Variants in HAT1 observed in about 807,000 individuals in gnomAD.
HAT1 encodes histone acetyltransferase 1.
HAT1 carries 20 observed loss-of-function variants against 56.6 expected under a neutral mutation model. The ratio of observed to expected loss-of-function variants is 0.35; its 90% CI spans 0.25 to 0.51. The LOEUF (loss-of-function observed/expected upper bound fraction) is 0.51. Ranked by LOEUF, HAT1 falls within the 20% of genes least tolerant of loss-of-function variation. The probability of loss-of-function intolerance (pLI) is 0.95; values close to 1 mark genes in which losing one functional copy is unlikely to be tolerated. For missense variants in HAT1, 408 were observed against 504.3 expected (o/e 0.81, Z 1.83); for synonymous variants, 146 against 165.5 (o/e 0.88, Z 0.91).
chr2:171,977,480 A>G, intron 9 of HAT1, among the ~76,000 whole-genome samples: 1 of 141,716 alleles, frequency 7.1e-6, no homozygotes, highest in Non-Finnish European at 1.5e-5. Context: ...AAAAAAGAAA[A>G]GAAATTTGTT....
chr2:171,973,729 A>C (rs926911042), intron 8 of HAT1, among the ~76,000 whole-genome samples: 4 of 152,176 alleles, frequency 2.6e-5, no homozygotes, highest in African/African-American at 9.7e-5. Context: ...ACGCCTGATG[A>C]CTGATCTGAG....
intron 2 of HAT1, among the ~76,000 whole-genome samples, chr2:171,931,412 G>A (rs753872363): frequency 9.9e-5 from 15 of 151,686 alleles, no homozygotes; most frequent in Admixed American, 2.0e-4. Context: ...CCATATAGCC[G>A]GGCATGGTGG....
intron 3 of HAT1, among the ~76,000 whole-genome samples, chr2:171,948,050 T>A (rs1376733557): frequency 6.6e-6 from 1 of 152,210 alleles, no homozygotes; most frequent in Non-Finnish European, 1.5e-5. Context: ...CTCTGTATAT[T>A]TTTTTACCTG....
chr2:171,944,882 T>C (rs967480322), intron 2 of HAT1, among the ~76,000 whole-genome samples: 1 of 152,200 alleles, frequency 6.6e-6, no homozygotes, highest in Non-Finnish European at 1.5e-5. Context: ...ATCTTCTTTT[T>C]TCCCCCTGAG....
At chr2:171,942,446 G>A (rs756473174) in intron 2 of HAT1, among the ~76,000 whole-genome samples, 42 of 151,718 alleles carry the variant, frequency 2.8e-4, no homozygotes, top group Middle Eastern at 3.4e-3. Flanking sequence ...TTATAAAATC[G>A]AGGTTACCGT....
intron 3 of HAT1, 127 bp from the exon 4 acceptor site, chr2:171,952,754 A>ATT: frequency 2.0e-6 from 1 of 495,490 alleles, no homozygotes. Flanking sequence ...TTTATTGTAG[A>ATT]TTTTTTTTTT....
At chr2:171,939,527 G>T (rs1297818870) in intron 2 of HAT1, among the ~76,000 whole-genome samples, 1 of 152,190 alleles carries the variant, frequency 6.6e-6, no homozygotes, top group East Asian at 1.9e-4. Flanking sequence ...CTCTGGAGCG[G>T]CTGTTGTAAC....
Position 171,952,935 on chromosome 2 carries a change from T to C in HAT1, c.243T>C (p.Gly81=). 2 of 1,592,008 alleles carry C rather than the reference T, an allele frequency of 1.3e-6. No individual in the cohort carries two copies. The highest frequency in any genetic ancestry group is 1.7e-6 in the Non-Finnish European group (2 of 1,160,196). ...AGATCCTGTTATACTATATTGCTGGTAGCCTGTCAACAATGTTCCGTGTTG... is the reference window on the plus strand; with the variant it reads ...AGATCCTGTTATACTATATTGCTGGCAGCCTGTCAACAATGTTCCGTGTTG... ...GLKILLYYIA[G]SLSTMFRVEY... is the part of the protein sequence containing the mutation. Residue 81 remains glycine, a synonymous_variant, in exon 4 of 11, where the codon GGT becomes GGC. Transcript: ENST00000264108.
chr2:171,932,648 G>A (rs1032021871), intron 2 of HAT1, among the ~76,000 whole-genome samples: 16 of 152,060 alleles, frequency 1.1e-4, no homozygotes, highest in Admixed American at 5.2e-4. Flanking sequence ...CAGAAGGATC[G>A]CTTGAGCCCA....
intron 4 of HAT1, among the ~76,000 whole-genome samples, chr2:171,957,801 A>G (rs1249625924): frequency 6.6e-6 from 1 of 152,230 alleles, no homozygotes; most frequent in Non-Finnish European, 1.5e-5. Flanking sequence ...TAAAATTGAA[A>G]GTTAATTCTT....
At position 171,922,608 on chromosome 2, in the gene HAT1, T is replaced by C. The variant is rs1035228343; in HGVS notation, c.7+101T>C. 13 of 1,031,424 alleles carry C rather than the reference T, an allele frequency of 1.3e-5. No homozygotes were observed. In the African/African-American group the frequency reaches 2.0e-4, roughly 15 times the overall value. 63.9% of individuals were successfully genotyped at this position (1,031,424 alleles called of 1,614,324 possible). A position where few individuals can be genotyped will look rare whatever the true frequency, so the allele number is the denominator to read the frequency against. On this transcript the variant is annotated intron_variant, in intron 1 of 10. Coordinates refer to ENST00000264108, the MANE Select transcript of HAT1 (RefSeq NM_003642.4). ...ATGCCCGCCTAGAACTTTCGGGCTG[T>C]AGCCTGGGTTCCAGAAGGCCTGCTT...
intron 9 of HAT1, among the ~76,000 whole-genome samples, chr2:171,978,562 C>A (rs562502866): frequency 6.8e-6 from 1 of 146,498 alleles, no homozygotes; most frequent in Non-Finnish European, 1.5e-5. Flanking sequence ...TGAAAACTCA[C>A]ATTTTCACAT....
intron 4 of HAT1, among the ~76,000 whole-genome samples, chr2:171,958,542 C>G (rs577209971): frequency 6.6e-6 from 1 of 152,248 alleles, no homozygotes; most frequent in Admixed American, 6.5e-5. Context: ...CCCACCTTGG[C>G]CTTCCAAAAT....
chr2:171,939,225 C>T (rs1369151393), intron 2 of HAT1, among the ~76,000 whole-genome samples: 2 of 152,118 alleles, frequency 1.3e-5, no homozygotes, highest in African/African-American at 2.4e-5. Context: ...GATAGGTGAT[C>T]GTGCACCAGC....
At chr2:171,947,776 G>A (rs1011145372) in intron 3 of HAT1, among the ~76,000 whole-genome samples, 5 of 152,154 alleles carry the variant, frequency 3.3e-5, no homozygotes, top group Admixed American at 2.6e-4. Context: ...CTACTCGGGA[G>A]GCTGAGGCAG....
intron 4 of HAT1, among the ~76,000 whole-genome samples, chr2:171,961,931 T>C (rs1170105155): frequency 6.6e-6 from 1 of 151,790 alleles, no homozygotes; most frequent in African/African-American, 2.4e-5. Context: ...GTCTTAGAAT[T>C]ATAGTTAAGT....
At chr2:171,925,903 C>T (rs960701912) in intron 2 of HAT1, among the ~76,000 whole-genome samples, 2 of 151,946 alleles carry the variant, frequency 1.3e-5, no homozygotes, top group Admixed American at 1.3e-4. Flanking sequence ...GTTTTAGCCT[C>T]TTAAAAATAT....
chr2:171,926,196 C>T (rs1434534871), intron 2 of HAT1, among the ~76,000 whole-genome samples: 2 of 152,140 alleles, frequency 1.3e-5, no homozygotes, highest in South Asian at 2.1e-4. Flanking sequence ...TAGCTCACTG[C>T]TGCCTCCAAC....
At chr2:171,962,342 G>A (rs915033827) in intron 4 of HAT1, among the ~76,000 whole-genome samples, 39 of 152,140 alleles carry the variant, frequency 2.6e-4, no homozygotes, top group African/African-American at 8.0e-4. Flanking sequence ...ATTACCAAGC[G>A]TTAGGAAACC....
Sources: gnomAD v4.1 joint callset for allele counts (sites outside exome capture counted in the v4.1 genomes callset) on GRCh38, gnomAD v4.1.1 for gene constraint, MANE v1.5 for transcripts, NCBI Gene and HGNC (gene_info 2026-07-23, HGNC 2026-07-21) for gene names.